TFDP1: variants seen among roughly 807,000 people sequenced by gnomAD.
The protein encoded by TFDP1 is DRTF1-polypeptide 1.
TFDP1 carries 6 observed loss-of-function variants against 48.0 expected under a neutral mutation model. The observed-to-expected ratio is 0.13, with a 90% CI of 0.07 to 0.25. The LOEUF is 0.25. Among genes scored for constraint, TFDP1 ranks in the 10% least tolerant of loss-of-function variants. TFDP1 has a pLI of 1.00. For missense variants in TFDP1, 335 were observed against 543.0 expected (o/e 0.62, Z 3.81); for synonymous variants, 201 against 211.6 (o/e 0.95, Z 0.44).
chr13:113,625,093 G>T (rs377421290), intron 4 of TFDP1, among the ~76,000 whole-genome samples: 1 of 129,274 alleles, frequency 7.7e-6, no homozygotes, highest in African/African-American at 3.0e-5. Flanking sequence ...TGTCTCTCAC[G>T]TGTCCTCAGG....
At chr13:113,626,494 C>T (rs912233140) in intron 4 of TFDP1, among the ~76,000 whole-genome samples, 15 of 152,088 alleles carry the variant, frequency 9.9e-5, no homozygotes, top group African/African-American at 7.2e-5. Flanking sequence ...CTCCCTTCCC[C>T]GCGTCCCACT....
chr13:113,602,271 C>G (rs1051869831), intron 2 of TFDP1, among the ~76,000 whole-genome samples: 1 of 151,584 alleles, frequency 6.6e-6, no homozygotes, highest in Non-Finnish European at 1.5e-5. Context: ...GAGTTACCTG[C>G]AGGAGTCGAG....
chr13:113,593,552 T>C (rs9577578), intron 2 of TFDP1, among the ~76,000 whole-genome samples: 5,705 of 87,688 alleles, frequency 0.065, 523 homozygotes, highest in African/African-American at 0.13. Flanking sequence ...GTGTGGTGTG[T>C]GCGGGTCCTC....
At chr13:113,618,276 C>A (rs760838159) in intron 3 of TFDP1, among the ~76,000 whole-genome samples, 10 of 152,184 alleles carry the variant, frequency 6.6e-5, no homozygotes, top group Non-Finnish European at 1.2e-4. Flanking sequence ...AGTCCCAGCA[C>A]TTTGAGAGGC....
At chr13:113,632,525 G>A (rs1048895071) in intron 5 of TFDP1, among the ~76,000 whole-genome samples, 6 of 152,198 alleles carry the variant, frequency 3.9e-5, no homozygotes, top group Non-Finnish European at 7.3e-5. Flanking sequence ...TGGGGCTCAC[G>A]CCTGTAATCC....
At chr13:113,593,098 CAG>C (rs1386842762) in intron 2 of TFDP1, among the ~76,000 whole-genome samples, 1 of 146,804 alleles carries the variant, frequency 6.8e-6, no homozygotes, top group Non-Finnish European at 1.5e-5. Context: ...CAGCCCTGCC[CAG>C]GTGACAGGTG....
At chr13:113,592,299 G>A (rs1270249326) in intron 2 of TFDP1, among the ~76,000 whole-genome samples, 1 of 152,194 alleles carries the variant, frequency 6.6e-6, no homozygotes, top group African/African-American at 2.4e-5. Flanking sequence ...GGGATTACAG[G>A]CATGCGCCAC....
chr13:113,623,546 G>T lies in TFDP1; in HGVS notation c.186+260G>T, dbSNP rs535494914. 2.4e-4 allele frequency among the ~76,000 whole-genome samples: 37 copies of T among 152,232 alleles called. No homozygotes were observed. The highest frequency in any genetic ancestry group is 8.7e-4 in the African/African-American group (36 of 41,528). On this transcript the variant is annotated intron_variant, in intron 4 of 11. Coordinates refer to ENST00000375370, the MANE Select transcript of TFDP1 (RefSeq NM_007111.5). This position sits in a 1 kb window ranked among gnomAD's most constrained non-coding sequence, Gnocchi z 5.2. ...GCCCATGCCATCCTTCCAGTAACTG[G>T]AGGGTGGTGGGTGGGGCCGCGGCCC...
At chr13:113,594,601 C>G (rs1471950761) in intron 2 of TFDP1, among the ~76,000 whole-genome samples, 2 of 152,192 alleles carry the variant, frequency 1.3e-5, no homozygotes, top group African/African-American at 4.8e-5. Flanking sequence ...TCAGCCCTGC[C>G]CAGGTGACAG....
At chr13:113,613,573 T>C (rs1418413809) in intron 3 of TFDP1, among the ~76,000 whole-genome samples, 4 of 115,266 alleles carry the variant, frequency 3.5e-5, no homozygotes, top group South Asian at 3.2e-4. Flanking sequence ...TGCATACGAG[T>C]GTGTGTGTGC....
intron 4 of TFDP1, among the ~76,000 whole-genome samples, chr13:113,626,056 C>T: frequency 6.7e-6 from 1 of 148,604 alleles, no homozygotes; most frequent in African/African-American, 2.5e-5. Flanking sequence ...AGGTGTCTCT[C>T]ACATGTCCTC....
chr13:113,612,725 TACTC>T (rs1375124464), intron 3 of TFDP1, among the ~76,000 whole-genome samples: 22 of 152,238 alleles, frequency 1.4e-4, no homozygotes, highest in African/African-American at 5.3e-4. Flanking sequence ...TTTCCATTCT[TACTC>T]ACAAATCTGT....
chr13:113,627,813 C>T lies in TFDP1; in HGVS notation c.187-3810C>T, dbSNP rs1307814509. ...ATGATCTGAGGTGGGACAGTTTCTT[C>T]CCGAAACTACCCCCGACTCCGGTCT... On this transcript the variant is annotated intron_variant, in intron 4 of 11. Transcript: ENST00000375370. This position sits in a 1 kb window ranked among gnomAD's most constrained non-coding sequence, Gnocchi z 4.1. 1.3e-5 allele frequency among the ~76,000 whole-genome samples: 2 copies of T among 152,142 alleles called. No homozygotes were observed. The highest frequency in any genetic ancestry group is 4.8e-5 in the African/African-American group (2 of 41,414).
rs1594514647 is a variant in TFDP1 at position 113,627,435 on chromosome 13, G to A, written c.186+4149G>A. On this transcript the variant is annotated intron_variant, in intron 4 of 11. Coordinates refer to ENST00000375370, the MANE Select transcript of TFDP1 (RefSeq NM_007111.5). This position sits in a 1 kb window ranked among gnomAD's most constrained non-coding sequence, Gnocchi z 4.1. ...GTCCCAGAAGTCGGCATCTGTGGTC[G>A]CAGTGGCCTTTCCTTTGCAGCTGCG... is the stretch of plus-strand genomic sequence containing the variant. Among the ~76,000 whole-genome samples, 3 of 152,312 alleles carry A rather than the reference G, an allele frequency of 2.0e-5. No homozygotes were observed. Among genetic ancestry groups the A allele is most frequent in the East Asian group, 1.9e-4 (1 of 5,180 alleles).
chr13:113,604,190 CTA>C (rs1247798552), intron 2 of TFDP1, among the ~76,000 whole-genome samples: 1 of 144,362 alleles, frequency 6.9e-6, no homozygotes, highest in Non-Finnish European at 1.5e-5. Context: ...GCAAATTAAA[CTA>C]TTTGTGTTTT....
chr13:113,616,984 G>T (rs1341448015), intron 3 of TFDP1, among the ~76,000 whole-genome samples: 1 of 152,204 alleles, frequency 6.6e-6, no homozygotes, highest in African/African-American at 2.4e-5. Context: ...CGTAACCCTT[G>T]TTCCAGGTGT....
At chr13:113,621,278 C>T (rs1253125589) in intron 3 of TFDP1, among the ~76,000 whole-genome samples, 1 of 152,132 alleles carries the variant, frequency 6.6e-6, no homozygotes, top group Non-Finnish European at 1.5e-5. Context: ...GTTGTTGTGA[C>T]CCGAAAGTCT....
At chr13:113,606,129 G>A (rs1204977959) in intron 2 of TFDP1, among the ~76,000 whole-genome samples, 1 of 148,932 alleles carries the variant, frequency 6.7e-6, no homozygotes, top group Non-Finnish European at 1.5e-5. Context: ...AGTGTCTGCA[G>A]GGGATCCTGT....
At chr13:113,591,747 G>A (rs1375407213) in intron 2 of TFDP1, among the ~76,000 whole-genome samples, 1 of 152,220 alleles carries the variant, frequency 6.6e-6, no homozygotes, top group South Asian at 2.1e-4. Flanking sequence ...GCTTAGAGAG[G>A]AGGACTGGTA....
Sources: allele counts gnomAD v4.1 joint callset (sites outside exome capture counted in the v4.1 genomes callset), GRCh38; gene constraint gnomAD v4.1.1; non-coding constraint Gnocchi (gnomAD v3.1); transcripts MANE v1.5; gene names NCBI Gene and HGNC (gene_info 2026-07-23, HGNC 2026-07-21).